Variants in CNTN4 observed in about 807,000 individuals in gnomAD.
CNTN4 encodes contactin-4.
In CNTN4, 77 loss-of-function variants were observed where a neutral mutation model predicts 122.5. That is an observed-to-expected ratio of 0.63 (90% CI 0.52 to 0.76). CNTN4 has a LOEUF of 0.76. Ranked by LOEUF, CNTN4 falls within the 30% of genes least tolerant of loss-of-function variation. The probability of loss-of-function intolerance (pLI) is 0.00; values close to 1 mark genes in which losing one functional copy is unlikely to be tolerated. For missense variants in CNTN4, 1,256 were observed against 1,259.1 expected, an observed-to-expected ratio of 1.00 and a Z score of 0.04; for synonymous variants, 512 against 447.0, an observed-to-expected ratio of 1.15 and a Z score of -1.83.
At chr3:2,355,463 G>A (rs1463787957) in intron 3 of CNTN4, among the ~76,000 whole-genome samples, 1 of 152,088 alleles carries the variant, frequency 6.6e-6, no homozygotes, top group Non-Finnish European at 1.5e-5. Context: ...AAGGATACAG[G>A]GAATCTCATA....
chr3:2,654,360 T>C (rs1484642431), intron 4 of CNTN4, among the ~76,000 whole-genome samples: 3 of 152,338 alleles, frequency 2.0e-5, no homozygotes, highest in South Asian at 2.1e-4. Flanking sequence ...AAGGGAATGT[T>C]ATCATTTTAA....
chr3:2,596,412 A>G (rs1273704309), intron 4 of CNTN4, among the ~76,000 whole-genome samples: 2 of 152,190 alleles, frequency 1.3e-5, no homozygotes, highest in African/African-American at 4.8e-5. Context: ...GTTTTCATTT[A>G]GATAAAGATG....
At chr3:2,622,483 G>A (rs931452109) in intron 4 of CNTN4, among the ~76,000 whole-genome samples, 2 of 152,020 alleles carry the variant, frequency 1.3e-5, no homozygotes, top group South Asian at 4.1e-4. Flanking sequence ...AGTAGAGATG[G>A]GTTGGACAGG....
intron 3 of CNTN4, among the ~76,000 whole-genome samples, chr3:2,341,546 A>G (rs1363491475): frequency 6.6e-6 from 1 of 152,196 alleles, no homozygotes; most frequent in Non-Finnish European, 1.5e-5. Flanking sequence ...TTGGACTGAA[A>G]GGCAGGAGGT....
chr3:2,900,587 T>G, intron 10 of CNTN4, 98 bp from the exon 11 acceptor site: 1 of 1,240,352 alleles, frequency 8.1e-7, no homozygotes, highest in Non-Finnish European at 1.2e-6. Flanking sequence ...AAAAGGAATT[T>G]TATTATAAGT....
intron 2 of CNTN4, among the ~76,000 whole-genome samples, chr3:2,203,079 C>T (rs191313912): frequency 1.1e-4 from 17 of 152,032 alleles, no homozygotes; most frequent in Admixed American, 5.2e-4. Flanking sequence ...AGTTGTCTGC[C>T]CGCCTCAGCC....
At chr3:2,249,437 T>C (rs1024870589) in intron 2 of CNTN4, among the ~76,000 whole-genome samples, 1 of 151,908 alleles carries the variant, frequency 6.6e-6, no homozygotes, top group African/African-American at 2.4e-5. Context: ...AAGTGTACTT[T>C]TTTTCCAGGA....
intron 4 of CNTN4, among the ~76,000 whole-genome samples, chr3:2,697,642 A>G (rs1287454089): frequency 6.6e-6 from 1 of 152,200 alleles, no homozygotes; most frequent in East Asian, 1.9e-4. Context: ...TTCTTAGGCT[A>G]GTTAAAGTTC....
At chr3:2,122,792 T>C (rs1432941468) in intron 2 of CNTN4, among the ~76,000 whole-genome samples, 1 of 152,212 alleles carries the variant, frequency 6.6e-6, no homozygotes, top group Non-Finnish European at 1.5e-5. Flanking sequence ...CATTTTACAA[T>C]CTGTCAACAT....
chr3:2,366,143 T>C (rs1437967882), intron 3 of CNTN4, among the ~76,000 whole-genome samples: 1 of 152,186 alleles, frequency 6.6e-6, no homozygotes, highest in Non-Finnish European at 1.5e-5. Flanking sequence ...TATACTACTT[T>C]CTCTACTGGC....
At chr3:2,244,960 T>G (rs1329424412) in intron 2 of CNTN4, among the ~76,000 whole-genome samples, 2 of 152,086 alleles carry the variant, frequency 1.3e-5, no homozygotes, top group Non-Finnish European at 2.9e-5. Context: ...TCAATAACTA[T>G]GAGAAGGCTT....
chr3:2,205,434 G>C (rs925561540), intron 2 of CNTN4, among the ~76,000 whole-genome samples: 7 of 150,772 alleles, frequency 4.6e-5, no homozygotes, highest in African/African-American at 1.7e-4. Flanking sequence ...TGAATATTTT[G>C]GGAGTCAGGT....
At chr3:3,035,364 C>G (rs1172447510) in intron 17 of CNTN4, among the ~76,000 whole-genome samples, 11 of 150,786 alleles carry the variant, frequency 7.3e-5, no homozygotes, top group African/African-American at 2.7e-4. Flanking sequence ...CCGTAACACA[C>G]ATTAAAAATA....
chr3:2,978,512 C>T (rs1240077214), intron 13 of CNTN4, among the ~76,000 whole-genome samples: 1 of 152,214 alleles, frequency 6.6e-6, no homozygotes, highest in Non-Finnish European at 1.5e-5. Flanking sequence ...GGATATGTTG[C>T]CAGTATTGCC....
At chr3:2,297,548 A>C (rs777319246) in intron 2 of CNTN4, among the ~76,000 whole-genome samples, 10 of 152,142 alleles carry the variant, frequency 6.6e-5, no homozygotes, top group Non-Finnish European at 1.0e-4. Context: ...GTCTGATTTC[A>C]CCCTGCCCAT....
At chr3:2,246,887 C>T (rs1375348430) in intron 2 of CNTN4, among the ~76,000 whole-genome samples, 3 of 151,740 alleles carry the variant, frequency 2.0e-5, no homozygotes, top group East Asian at 1.9e-4. Context: ...AATGTGGCTG[C>T]GATTTGGACA....
chr3:2,372,548 T>G (rs1216619451), intron 3 of CNTN4, among the ~76,000 whole-genome samples: 1 of 152,198 alleles, frequency 6.6e-6, no homozygotes, highest in Non-Finnish European at 1.5e-5. Context: ...ATCCCTAATG[T>G]CCTCTGAAAA....
At chr3:2,266,465 G>GAAGT in intron 2 of CNTN4, among the ~76,000 whole-genome samples, 1 of 152,014 alleles carries the variant, frequency 6.6e-6, no homozygotes, top group South Asian at 2.1e-4. Context: ...TCTCAGAGAA[G>GAAGT]TTATCTTGCT....
intron 4 of CNTN4, among the ~76,000 whole-genome samples, chr3:2,719,662 G>A (rs9837905): frequency 0.17 from 25,229 of 152,120 alleles, 2,172 homozygotes; most frequent in South Asian, 0.2. Flanking sequence ...GACCTCAGGC[G>A]ATCCGCCTGC....
Sources: gnomAD v4.1 joint callset for allele counts (sites outside exome capture counted in the v4.1 genomes callset) on GRCh38, gnomAD v4.1.1 for gene constraint, MANE v1.5 for transcripts, NCBI Gene and HGNC (gene_info 2026-07-23, HGNC 2026-07-21) for gene names.